Variants in RPF2 observed in about 807,000 individuals in gnomAD.
The protein encoded by RPF2 is brix domain containing 1.
Under a neutral mutation model 38.9 loss-of-function variants are expected in RPF2, and 21 were observed. That is an observed-to-expected ratio of 0.54 (90% CI 0.38 to 0.78). The LOEUF (loss-of-function observed/expected upper bound fraction) is 0.78, where lower values mean the gene tolerates loss of function less well. RPF2 is among the 30% of genes least tolerant of loss of function. The pLI, the probability that RPF2 is intolerant of heterozygous loss-of-function variation, is 0.00. For missense variants in RPF2, 314 were observed against 358.1 expected, an observed-to-expected ratio of 0.88 and a Z score of 0.99; for synonymous variants, 121 against 126.2, an observed-to-expected ratio of 0.96 and a Z score of 0.28.
chr6:110,983,027 C>G (rs147310519), intron 1 of RPF2, among the ~76,000 whole-genome samples: 1 of 152,168 alleles, frequency 6.6e-6, no homozygotes, highest in Non-Finnish European at 1.5e-5. Context: ...GACATTATAT[C>G]TGGAGGAGTA....
chr6:111,017,288 G>A (rs1157681769), intron 8 of RPF2, among the ~76,000 whole-genome samples: 26 of 150,696 alleles, frequency 1.7e-4, no homozygotes, highest in African/African-American at 5.8e-4. Flanking sequence ...CCTCCCGGAC[G>A]GGGCGGCGGC....
In RPF2 at chr6:111,025,830, A is replaced by C; in HGVS notation, c.*248A>C. On this transcript the variant is annotated 3_prime_UTR_variant, in exon 10 of 10. Transcript: ENST00000441448. ...TGCCCTCCACAAATTCTTCTTTCTC[A>C]TTGGGTGGATGGATGGGTGAGGAGG... 1.1e-5 allele frequency: 3 copies of C among 262,582 alleles called. No individual in the cohort carries two copies. Among genetic ancestry groups the C allele is most frequent in the African/African-American group, 2.2e-5 (1 of 44,908 alleles). The allele number at this position is 262,582 out of a possible 1,614,324, so 16.3% of individuals were successfully genotyped here.
At chr6:111,008,268 TTAAAA>T (rs1771951988) in intron 7 of RPF2, 131 bp downstream of exon 7, 1 of 1,026,366 alleles carries the variant, frequency 9.7e-7, no homozygotes, top group Non-Finnish European at 1.3e-6. Context: ...ATTTATATAC[TTAAAA>T]TAATGGAGTG....
chr6:110,988,637 A>G (rs1322374738), intron 2 of RPF2, among the ~76,000 whole-genome samples: 1 of 152,068 alleles, frequency 6.6e-6, no homozygotes, highest in Non-Finnish European at 1.5e-5. Context: ...GGGTTTTGCC[A>G]TGTTGCCCAG....
chr6:111,014,739 A>G (rs1165300817), intron 7 of RPF2, among the ~76,000 whole-genome samples: 4 of 152,162 alleles, frequency 2.6e-5, no homozygotes, highest in Non-Finnish European at 5.9e-5. Flanking sequence ...AAGATATCAC[A>G]CTTGTTTTCC....
chr6:110,999,667 C>T lies in RPF2; in HGVS notation c.317-44C>T, dbSNP rs781646092. The T allele has an allele frequency of 5.5e-6, 7 of 1,282,762 alleles. No homozygotes were observed. The South Asian group carries it at 7.1e-5, about 13-fold the overall frequency. 79.5% of individuals were successfully genotyped at this position (1,282,762 alleles called of 1,614,324 possible). A position where few individuals can be genotyped will look rare whatever the true frequency, so the allele number is the denominator to read the frequency against. On this transcript the variant is annotated intron_variant, in intron 5 of 9. Transcript: ENST00000441448. Reference sequence around the variant, plus strand: ...GCTCTTGTGGGTATATGTAAGGTGGCTCTTTGGGAAAAATACATGCTTAAA... The same window carrying T: ...GCTCTTGTGGGTATATGTAAGGTGGTTCTTTGGGAAAAATACATGCTTAAA...
chr6:111,013,139 C>G (rs762841503), intron 7 of RPF2, among the ~76,000 whole-genome samples: 3 of 152,188 alleles, frequency 2.0e-5, no homozygotes, highest in Non-Finnish European at 2.9e-5. Flanking sequence ...TTATACTGTT[C>G]TCCTTTTAAT....
At chr6:110,993,143 C>T (rs1037139206) in intron 4 of RPF2, among the ~76,000 whole-genome samples, 1 of 152,008 alleles carries the variant, frequency 6.6e-6, no homozygotes, top group African/African-American at 2.4e-5. Context: ...TAGGGCTTTG[C>T]CATGTTGCCC....
chr6:111,007,390 A>G (rs1324535745), intron 6 of RPF2, among the ~76,000 whole-genome samples: 2 of 152,164 alleles, frequency 1.3e-5, no homozygotes, highest in African/African-American at 4.8e-5. Flanking sequence ...AATGGAACAA[A>G]TAATTTTTTT....
rs891142266 is a variant in RPF2, at chr6:111,001,379, GT to G, written c.393+1603del. The stretch of plus-strand genomic sequence containing the variant: ...AAGCCCTCATATTATTTTTCTTTCT[GT>G]TTTTTTTTTTCTTTCGAGACAGGGT... On this transcript the variant is annotated intron_variant, in intron 6 of 9. Transcript: ENST00000441448. Among the ~76,000 whole-genome samples the G allele has an allele frequency of 9.9e-3, 1,468 of 148,080 alleles. 5 individuals are homozygous for G. The highest frequency in any genetic ancestry group is 0.018 in the Middle Eastern group (5 of 282).
At chr6:110,994,042 C>T (rs1340138866) in intron 4 of RPF2, among the ~76,000 whole-genome samples, 1 of 151,370 alleles carries the variant, frequency 6.6e-6, no homozygotes, top group Non-Finnish European at 1.5e-5. Flanking sequence ...TCTGGGAGGC[C>T]AAGGCGTGTG....
At chr6:110,994,233 G>A (rs1218391812) in intron 4 of RPF2, among the ~76,000 whole-genome samples, 2 of 150,600 alleles carry the variant, frequency 1.3e-5, no homozygotes, top group Non-Finnish European at 3.0e-5. Flanking sequence ...CAAGATTGTG[G>A]CATTGCACTC....
intron 8 of RPF2, among the ~76,000 whole-genome samples, chr6:111,020,352 C>T (rs1048438544): frequency 4.6e-5 from 7 of 152,040 alleles, no homozygotes; most frequent in Non-Finnish European, 1.0e-4. Context: ...TGTATGCCCT[C>T]TGTGTTAAAC....
At chr6:110,988,892 G>A in intron 2 of RPF2, 136 bp from the exon 3 acceptor site, 1 of 1,094,968 alleles carries the variant, frequency 9.1e-7, no homozygotes, top group Non-Finnish European at 1.3e-6. Context: ...GTGATGAAAA[G>A]GGAGCCAGGC....
chr6:110,989,327 T>A (rs1292591390), intron 3 of RPF2, among the ~76,000 whole-genome samples: 2 of 152,198 alleles, frequency 1.3e-5, no homozygotes, highest in Non-Finnish European at 2.9e-5. Context: ...AATTCCCATA[T>A]ACCCTTCACC....
intron 8 of RPF2, among the ~76,000 whole-genome samples, chr6:111,018,274 TTC>T (rs1772168143): frequency 2.0e-5 from 3 of 152,168 alleles, no homozygotes; most frequent in Admixed American, 2.0e-4. Flanking sequence ...AGTGTGTGAC[TTC>T]TCTTTTTTAA....
intron 8 of RPF2, among the ~76,000 whole-genome samples, chr6:111,021,004 C>G (rs1046121056): frequency 6.6e-6 from 1 of 151,942 alleles, no homozygotes; most frequent in Non-Finnish European, 1.5e-5. Context: ...ATCATCTATA[C>G]TAAAAATACA....
intron 8 of RPF2, among the ~76,000 whole-genome samples, chr6:111,020,608 TC>T (rs932823558): frequency 6.6e-6 from 1 of 152,136 alleles, no homozygotes; most frequent in Non-Finnish European, 1.5e-5. Flanking sequence ...ATGCCTGTAA[TC>T]CAGTACTTTG....
At chr6:111,009,941 G>A (rs1771983354) in intron 7 of RPF2, among the ~76,000 whole-genome samples, 1 of 151,874 alleles carries the variant, frequency 6.6e-6, no homozygotes, top group Non-Finnish European at 1.5e-5. Context: ...TCAGAGTGCT[G>A]GGATTACAGG....
Sources: allele counts gnomAD v4.1 joint callset (sites outside exome capture counted in the v4.1 genomes callset), GRCh38; gene constraint gnomAD v4.1.1; transcripts MANE v1.5; gene names NCBI Gene and HGNC (gene_info 2026-07-23, HGNC 2026-07-21).